The following TMEM132C variants were observed in gnomAD, a reference collection of about 807,000 sequenced individuals.
TMEM132C encodes protein phosphatase 1, regulatory subunit 152.
TMEM132C carries 29 observed loss-of-function variants against 61.4 expected under a neutral mutation model. The observed-to-expected ratio is 0.47, with a 90% CI of 0.35 to 0.64. TMEM132C has a LOEUF of 0.64. Ranked by LOEUF, TMEM132C falls within the 30% of genes least tolerant of loss-of-function variation. The pLI is 0.00. For synonymous variants in TMEM132C, 656 were observed against 633.1 expected (o/e 1.04, Z -0.54); for missense variants, 1,408 against 1,476.9 (o/e 0.95, Z 0.76).
intron 1 of TMEM132C, among the ~76,000 whole-genome samples, chr12:128,380,479 A>G (rs1200224483): frequency 6.6e-6 from 1 of 152,272 alleles, no homozygotes; most frequent in Non-Finnish European, 1.5e-5. Context: ...AGGGAGCAAG[A>G]TGTATTATTT....
At chr12:128,577,267 T>C (rs1875146811) in intron 3 of TMEM132C, among the ~76,000 whole-genome samples, 1 of 152,218 alleles carries the variant, frequency 6.6e-6, no homozygotes, top group South Asian at 2.1e-4. Flanking sequence ...GTTCATTTCT[T>C]TTTATGTCTG....
intron 4 of TMEM132C, among the ~76,000 whole-genome samples, chr12:128,664,476 T>A (rs913593468): frequency 6.6e-6 from 1 of 152,196 alleles, no homozygotes; most frequent in Non-Finnish European, 1.5e-5. Flanking sequence ...GTGGAGGGCT[T>A]CAGAGCAAGG....
At chr12:128,590,076 G>A (rs141171116) in intron 3 of TMEM132C, among the ~76,000 whole-genome samples, 1 of 152,202 alleles carries the variant, frequency 6.6e-6, no homozygotes. Context: ...GGATATGGAG[G>A]CTTTGGGAGA....
At chr12:128,590,953 TTTTATGA>T (rs1287744031) in intron 3 of TMEM132C, among the ~76,000 whole-genome samples, 1 of 152,086 alleles carries the variant, frequency 6.6e-6, no homozygotes, top group Non-Finnish European at 1.5e-5. Context: ...GTTTTTATAA[TTTTATGA>T]TTTGTAGAGA....
chr12:128,407,043 C>T lies in TMEM132C; in HGVS notation c.86-7689C>T, dbSNP rs577564803. Among the ~76,000 whole-genome samples the T allele has an allele frequency of 5.9e-5, 9 of 152,346 alleles. No homozygotes were observed. The East Asian group carries it at 1.7e-3, about 29-fold the overall frequency. ...AAAGCATTTAAAAACACACCTAGAACATGGTGATATGGTTTGGCCATGTCC... is the reference window on the plus strand; with the variant it reads ...AAAGCATTTAAAAACACACCTAGAATATGGTGATATGGTTTGGCCATGTCC... On this transcript the variant is annotated intron_variant, in intron 1 of 8. Coordinates refer to ENST00000435159, the MANE Select transcript of TMEM132C (RefSeq NM_001136103.3).
intron 2 of TMEM132C, among the ~76,000 whole-genome samples, chr12:128,442,841 C>A (rs953314869): frequency 2.0e-5 from 3 of 152,160 alleles, no homozygotes; most frequent in Non-Finnish European, 4.4e-5. Context: ...TTTTCATCAC[C>A]CCAAAAAGAA....
intron 2 of TMEM132C, among the ~76,000 whole-genome samples, chr12:128,465,344 G>A (rs898589153): frequency 6.8e-4 from 103 of 151,774 alleles, no homozygotes; most frequent in African/African-American, 2.2e-3. Flanking sequence ...GATTAAAGAC[G>A]CCTGCCACCA....
At chr12:128,522,149 C>T (rs921620477) in intron 2 of TMEM132C, among the ~76,000 whole-genome samples, 2 of 152,150 alleles carry the variant, frequency 1.3e-5, no homozygotes, top group Non-Finnish European at 2.9e-5. Flanking sequence ...ATCTCAAGAA[C>T]GCTGGGGTGT....
intron 2 of TMEM132C, among the ~76,000 whole-genome samples, chr12:128,506,359 G>A (rs1349124736): frequency 6.6e-6 from 1 of 152,194 alleles, no homozygotes; most frequent in South Asian, 2.1e-4. Context: ...AAAGAGGCAG[G>A]TGCTCAAGTC....
In TMEM132C at chr12:128,415,072, G is replaced by T; in HGVS notation, c.426G>T (p.Leu142=). Residue 142 remains leucine, a synonymous_variant, in exon 2 of 9, where the codon CTG becomes CTT. Transcript: ENST00000435159. The surrounding 1 kb of genome is among the most constrained non-coding windows in gnomAD (Gnocchi z 5.8). ...KAHILRDKVY[L]SRPKVQVLFH... ...ACATCCTGCGGGACAAAGTCTACCT[G>T]AGCCGGCCCAAAGTGCAGGTTCTTT... The T allele has an allele frequency of 6.2e-7, 1 of 1,600,836 alleles. No homozygotes were observed. Among genetic ancestry groups the T allele is most frequent in the Non-Finnish European group, 8.5e-7 (1 of 1,173,484 alleles).
At chr12:128,641,822 T>A (rs1004092949) in intron 4 of TMEM132C, among the ~76,000 whole-genome samples, 2 of 152,128 alleles carry the variant, frequency 1.3e-5, no homozygotes, top group African/African-American at 4.8e-5. Flanking sequence ...TGAGATGGAG[T>A]CTCACTCTGT....
intron 1 of TMEM132C, among the ~76,000 whole-genome samples, chr12:128,295,049 A>AAT (rs1309743711): frequency 6.8e-6 from 1 of 147,678 alleles, no homozygotes; most frequent in Non-Finnish European, 1.5e-5. Flanking sequence ...AGCAAAAAAA[A>AAT]AAAATTAAAA....
At chr12:128,489,162 C>T (rs1024161923) in intron 2 of TMEM132C, among the ~76,000 whole-genome samples, 2 of 152,074 alleles carry the variant, frequency 1.3e-5, no homozygotes, top group African/African-American at 4.8e-5. Flanking sequence ...CCAGCTGTTT[C>T]CTCTCCCCTG....
In TMEM132C at chr12:128,656,763, C is replaced by T. The variant is rs191275309; in HGVS notation, c.1306-12654C>T. 1.6e-4 allele frequency among the ~76,000 whole-genome samples: 24 copies of T among 152,324 alleles called. No individual in the cohort carries two copies. The East Asian group carries it at 4.0e-3, about 26-fold the overall frequency. On this transcript the variant is annotated intron_variant, in intron 4 of 8. Coordinates refer to ENST00000435159, the MANE Select transcript of TMEM132C (RefSeq NM_001136103.3). ...CCAGTCACATGGTCACAGCCAGCTG[C>T]AAGGGAGGCTGAGAAGTTTAGTTTC... is the stretch of plus-strand genomic sequence containing the variant.
At chr12:128,371,868 T>C (rs370720981) in intron 1 of TMEM132C, among the ~76,000 whole-genome samples, 1 of 152,232 alleles carries the variant, frequency 6.6e-6, no homozygotes, top group African/African-American at 2.4e-5. Context: ...CATGAGCCAC[T>C]GCACCCAGCC....
At position 128,544,097 on chromosome 12, in the gene TMEM132C, G is replaced by A. The variant is rs759264452; in HGVS notation, c.1115G>A (p.Arg372His). Residue 372 changes from arginine (R) to histidine (H), a missense_variant, in exon 3 of 9, where the codon CGC becomes CAC. Coordinates refer to ENST00000435159, the MANE Select transcript of TMEM132C (RefSeq NM_001136103.3). ...VACQRLGPSP[R>H]NRSSSLFNEV... ...TGCCAGCGCCTGGGGCCCAGCCCAC[G>A]CAACAGGTAAGCGGTGCCCTCCCTG... 1.0e-4 allele frequency: 158 copies of A among 1,534,388 alleles called. No individual in the cohort carries two copies. The highest frequency in any genetic ancestry group is 5.5e-4 in the Middle Eastern group (3 of 5,474).
intron 1 of TMEM132C, chr12:128,404,767 C>T (rs1458821195): frequency 2.0e-5 from 3 of 152,224 alleles, no homozygotes; most frequent in African/African-American, 7.2e-5. Flanking sequence ...TGGAAAGGCT[C>T]GTTCTCCCAG....
At chr12:128,649,979 A>G (rs1468409654) in intron 4 of TMEM132C, among the ~76,000 whole-genome samples, 1 of 152,204 alleles carries the variant, frequency 6.6e-6, no homozygotes, top group Non-Finnish European at 1.5e-5. Context: ...CCCTGCAGTG[A>G]CAGCCCAGAA....
intron 1 of TMEM132C, among the ~76,000 whole-genome samples, chr12:128,342,655 A>C (rs1260587894): frequency 6.6e-6 from 1 of 152,196 alleles, no homozygotes; most frequent in Non-Finnish European, 1.5e-5. Context: ...CCACAAGCCA[A>C]GGCTCCTCTT....
Sources: allele counts gnomAD v4.1 joint callset (sites outside exome capture counted in the v4.1 genomes callset), GRCh38; gene constraint gnomAD v4.1.1; non-coding constraint Gnocchi (gnomAD v3.1); transcripts MANE v1.5; gene names NCBI Gene and HGNC (gene_info 2026-07-23, HGNC 2026-07-21).